Variants in ADAMTS17 observed in about 807,000 individuals in gnomAD.
ADAMTS17 encodes A disintegrin and metalloproteinase with thrombospondin motifs 17.
ADAMTS17 carries 113 observed loss-of-function variants against 141.5 expected under a neutral mutation model. That is an observed-to-expected ratio of 0.80 (90% CI 0.69 to 0.93). The LOEUF (loss-of-function observed/expected upper bound fraction) is 0.93, where lower values mean the gene tolerates loss of function less well. Among genes scored for constraint, ADAMTS17 ranks in the 40% least tolerant of loss-of-function variants. The probability of loss-of-function intolerance (pLI) is 0.00; values close to 1 mark genes in which losing one functional copy is unlikely to be tolerated. For missense variants in ADAMTS17, 1,659 were observed against 1,517.9 expected, an observed-to-expected ratio of 1.09 and a Z score of -1.54; for synonymous variants, 768 against 630.6, an observed-to-expected ratio of 1.22 and a Z score of -3.27.
Position 100,132,093 on chromosome 15 carries a change from G to C in ADAMTS17, c.1635C>G (p.Asp545Glu), listed in dbSNP as rs750107574. 17 of 1,614,058 alleles carry C rather than the reference G, an allele frequency of 1.1e-5. No individual in the cohort carries two copies. Among genetic ancestry groups the C allele is most frequent in the Non-Finnish European group, 1.4e-5 (16 of 1,180,040 alleles). Reference sequence around the variant, plus strand: ...TGCTCCAGGCGCCCCACGGGCTCCAGTCTCCGTCCACATGCTCCGGGATGG... The same window carrying C: ...TGCTCCAGGCGCCCCACGGGCTCCACTCTCCGTCCACATGCTCCGGGATGG... ...KTPIPEHVDG[D>E]WSPWGAWSMC... Residue 545 changes from aspartate to glutamate, a missense_variant, in exon 12 of 22, where the codon GAC becomes GAG. Transcript: ENST00000268070.
At chr15:100,009,540 G>C (rs531410731) in intron 18 of ADAMTS17, among the ~76,000 whole-genome samples, 1 of 152,154 alleles carries the variant, frequency 6.6e-6, no homozygotes, top group East Asian at 1.9e-4. Flanking sequence ...TTCTTTGTGA[G>C]ATGTTGCTCT....
chr15:100,131,941 A>C, intron 12 of ADAMTS17, 66 bp downstream of exon 12: 1 of 1,610,574 alleles, frequency 6.2e-7, no homozygotes, highest in Non-Finnish European at 8.5e-7. Context: ...TGTGTGAGGC[A>C]GCGAGAGCTG....
At chr15:100,291,240 G>C (rs1458774505) in intron 3 of ADAMTS17, among the ~76,000 whole-genome samples, 1 of 152,204 alleles carries the variant, frequency 6.6e-6, no homozygotes, top group African/African-American at 2.4e-5. Flanking sequence ...ATAACCATAT[G>C]AAAAGTTACT....
intron 10 of ADAMTS17, among the ~76,000 whole-genome samples, chr15:100,140,501 ATATATATC>A (rs1340590228): frequency 1.4e-5 from 2 of 147,148 alleles, no homozygotes; most frequent in Non-Finnish European, 1.5e-5. Context: ...ATATATATAT[ATATATATC>A]CAGTAAAGAC....
rs371345479 is a variant in ADAMTS17 at position 100,099,739 on chromosome 15, A to C, written c.2017-3263T>G. ...CCCACGGCATAATTAAAGGCATGGGATGGTATGAGATGGTATGAGATGGGA... is the reference window on the plus strand; with the variant it reads ...CCCACGGCATAATTAAAGGCATGGGCTGGTATGAGATGGTATGAGATGGGA... On this transcript the variant is annotated intron_variant, in intron 14 of 21. Transcript: ENST00000268070. 9.5e-4 allele frequency among the ~76,000 whole-genome samples: 136 copies of C among 142,888 alleles called. 1 individual carries two copies. Among genetic ancestry groups the C allele is most frequent in the African/African-American group, 3.3e-3 (126 of 38,212 alleles). 93.7% of individuals were successfully genotyped at this position (142,888 alleles called of 152,430 possible).
chr15:100,192,609 A>G (rs2040960589), intron 8 of ADAMTS17, among the ~76,000 whole-genome samples: 1 of 152,166 alleles, frequency 6.6e-6, no homozygotes, highest in Non-Finnish European at 1.5e-5. Context: ...TTGAGGCAAG[A>G]GCAGCCACCA....
intron 15 of ADAMTS17, among the ~76,000 whole-genome samples, chr15:100,070,960 T>G (rs1455918887): frequency 1.3e-5 from 2 of 150,136 alleles, no homozygotes; most frequent in African/African-American, 4.9e-5. Flanking sequence ...AGGAGATGGA[T>G]TTTTGAAAAG....
intron 21 of ADAMTS17, among the ~76,000 whole-genome samples, chr15:99,975,154 A>C (rs1378100535): frequency 6.6e-6 from 1 of 152,222 alleles, no homozygotes; most frequent in African/African-American, 2.4e-5. Context: ...AGGTAGGAAA[A>C]TATTTCTCAG....
chr15:100,113,405 T>A (rs1596468875), intron 13 of ADAMTS17, among the ~76,000 whole-genome samples: 1 of 152,270 alleles, frequency 6.6e-6, no homozygotes, highest in East Asian at 1.9e-4. Flanking sequence ...CTTAATGAGG[T>A]CACCTGGTGG....
intron 18 of ADAMTS17, among the ~76,000 whole-genome samples, chr15:100,022,712 T>C (rs933631166): frequency 2.1e-4 from 32 of 152,198 alleles, no homozygotes; most frequent in Non-Finnish European, 4.1e-4. Flanking sequence ...GGATAATTCA[T>C]GTTCTGAGTA....
chr15:100,073,388 T>G (rs1336967170), intron 15 of ADAMTS17, among the ~76,000 whole-genome samples: 1 of 152,170 alleles, frequency 6.6e-6, no homozygotes, highest in Admixed American at 6.5e-5. Context: ...AGAAATACCA[T>G]CTGACCCAGC....
chr15:100,287,571 G>C (rs2044488227), intron 3 of ADAMTS17, among the ~76,000 whole-genome samples: 1 of 152,120 alleles, frequency 6.6e-6, no homozygotes, highest in Non-Finnish European at 1.5e-5. Flanking sequence ...CCATCCCCAA[G>C]ACACACAGTC....
chr15:100,002,013 A>G (rs1255051878), intron 18 of ADAMTS17, among the ~76,000 whole-genome samples: 19 of 149,590 alleles, frequency 1.3e-4, no homozygotes, highest in African/African-American at 4.4e-4. Context: ...AAAAAAAAAA[A>G]AAAGAAAAAG....
In ADAMTS17 at chr15:100,176,367, G is replaced by A. The variant is rs576898363; in HGVS notation, c.1182-21047C>T. Reference sequence around the variant, plus strand: ...TAGGCTACGTGTTGGAGTCGCCTAAGGAGTTAAAAAAAAATACAGATGCCT... The same window carrying A: ...TAGGCTACGTGTTGGAGTCGCCTAAAGAGTTAAAAAAAAATACAGATGCCT... On this transcript the variant is annotated intron_variant, in intron 8 of 21. Transcript: ENST00000268070. 3.3e-5 allele frequency among the ~76,000 whole-genome samples: 5 copies of A among 152,104 alleles called. No homozygotes were observed. The South Asian group carries it at 1.0e-3, about 32-fold the overall frequency.
chr15:100,010,309 G>A (rs895271590), intron 18 of ADAMTS17, among the ~76,000 whole-genome samples: 3 of 152,236 alleles, frequency 2.0e-5, no homozygotes, highest in Non-Finnish European at 4.4e-5. Flanking sequence ...GTGGGCGTGT[G>A]TGTGAGGACT....
At chr15:100,121,319 G>A (rs1047622543) in intron 12 of ADAMTS17, among the ~76,000 whole-genome samples, 3 of 152,178 alleles carry the variant, frequency 2.0e-5, no homozygotes, top group Non-Finnish European at 4.4e-5. Context: ...CTTACCAAAT[G>A]TAAAGAAAGA....
Position 100,262,445 on chromosome 15 carries a change from C to G in ADAMTS17, c.790-10G>C, listed in dbSNP as rs370066169. Reference sequence around the variant, plus strand: ...GAAACATATTGTATACCTATCAAGACAGAAAAAAGAAATAAAGATATAAAG... The same window carrying G: ...GAAACATATTGTATACCTATCAAGAGAGAAAAAAGAAATAAAGATATAAAG... On this transcript the variant is annotated splice_polypyrimidine_tract_variant and intron_variant, in intron 4 of 21. Coordinates refer to ENST00000268070, the MANE Select transcript of ADAMTS17 (RefSeq NM_139057.4). 31 of 1,605,808 alleles carry G rather than the reference C, an allele frequency of 1.9e-5. No homozygotes were observed. The highest frequency in any genetic ancestry group is 2.4e-5 in the Non-Finnish European group (28 of 1,175,166).
chr15:100,183,880 T>C (rs1273393458), intron 8 of ADAMTS17, among the ~76,000 whole-genome samples: 1 of 152,224 alleles, frequency 6.6e-6, no homozygotes, highest in Non-Finnish European at 1.5e-5. Flanking sequence ...GTTTTTATGG[T>C]ATCGTTGAGG....
intron 18 of ADAMTS17, among the ~76,000 whole-genome samples, chr15:100,041,364 A>G (rs971100614): frequency 2.0e-5 from 3 of 152,380 alleles, no homozygotes; most frequent in Non-Finnish European, 4.4e-5. Context: ...GGCCTTTTTC[A>G]AGTGGCTAAT....
Sources: allele counts gnomAD v4.1 joint callset (sites outside exome capture counted in the v4.1 genomes callset), GRCh38; gene constraint gnomAD v4.1.1; transcripts MANE v1.5; gene names NCBI Gene and HGNC (gene_info 2026-07-23, HGNC 2026-07-21).